The following PALM2AKAP2 variants were observed in gnomAD, a reference collection of about 807,000 sequenced individuals.
PALM2AKAP2 encodes the protein PALM2-AKAP2 fusion protein.
PALM2AKAP2 carries 37 observed loss-of-function variants against 71.5 expected under a neutral mutation model. The ratio of observed to expected loss-of-function variants is 0.52; its 90% confidence interval spans 0.40 to 0.68. PALM2AKAP2 has a LOEUF of 0.68. Among genes scored for constraint, PALM2AKAP2 ranks in the 30% least tolerant of loss-of-function variants. The pLI is 0.00. For synonymous variants in PALM2AKAP2, 468 were observed against 478.8 expected (o/e 0.98, Z 0.29); for missense variants, 1,224 against 1,191.8 (o/e 1.03, Z -0.40).
intron 6 of PALM2AKAP2, among the ~76,000 whole-genome samples, chr9:110,008,344 C>T (rs182728740): frequency 5.3e-5 from 8 of 151,944 alleles, no homozygotes; most frequent in African/African-American, 1.9e-4. Flanking sequence ...CAGAGAGTGG[C>T]CCAAAAGAAG....
chr9:110,091,615 T>A (rs371633266), intron 1 of PALM2AKAP2, among the ~76,000 whole-genome samples: 32 of 151,644 alleles, frequency 2.1e-4, no homozygotes, highest in Non-Finnish European at 8.9e-5. Flanking sequence ...GGCGCCTGCC[T>A]CCACACCCGG....
intron 7 of PALM2AKAP2, among the ~76,000 whole-genome samples, chr9:110,034,894 C>T (rs1833353446): frequency 6.6e-6 from 1 of 151,950 alleles, no homozygotes; most frequent in South Asian, 2.1e-4. Flanking sequence ...TGAGCCACCA[C>T]GCCCGGCTGC....
At chr9:109,807,479 G>A (rs1587925388) in intron 1 of PALM2AKAP2, among the ~76,000 whole-genome samples, 1 of 151,974 alleles carries the variant, frequency 6.6e-6, no homozygotes, top group East Asian at 1.9e-4. Flanking sequence ...TCTGGCAAGG[G>A]CCTGTTTCCT....
intron 1 of PALM2AKAP2, among the ~76,000 whole-genome samples, chr9:109,809,867 C>T (rs1331686988): frequency 6.6e-6 from 1 of 152,112 alleles, no homozygotes; most frequent in East Asian, 1.9e-4. Context: ...GGGGCTTGTC[C>T]TCTTTTTGCT....
exon 4 of PALM2AKAP2, chr9:110,171,136 T>C (rs752585036): frequency 6.6e-6 from 1 of 152,240 alleles, no homozygotes; most frequent in Non-Finnish European, 1.5e-5. Context: ...ATGTGCTTCA[T>C]GAAACCTACA....
chr9:109,794,594 T>C lies in PALM2AKAP2; in HGVS notation c.45+14061T>C, dbSNP rs528045590. Among the ~76,000 whole-genome samples, 11 of 152,244 alleles carry C rather than the reference T, an allele frequency of 7.2e-5. No individual in the cohort carries two copies. The South Asian group carries it at 2.3e-3, about 32-fold the overall frequency. ...CTGTTCAGTTACCTCATGGAACCCT[T>C]GGGACCAGGGCCTTGATTTACAAAT... On this transcript the variant is annotated intron_variant, in intron 1 of 9. Transcript: ENST00000302798.
At chr9:110,039,218 C>T (rs1407626557) in intron 7 of PALM2AKAP2, among the ~76,000 whole-genome samples, 2 of 152,110 alleles carry the variant, frequency 1.3e-5, no homozygotes, top group East Asian at 1.9e-4. Flanking sequence ...TACTGCACTC[C>T]AGCCATAGTG....
At chr9:109,890,075 C>T (rs966108467) in intron 3 of PALM2AKAP2, among the ~76,000 whole-genome samples, 6 of 152,174 alleles carry the variant, frequency 3.9e-5, no homozygotes, top group African/African-American at 1.4e-4. Flanking sequence ...TGGTCATTTC[C>T]AACCGTTCTA....
chr9:109,808,765 GC>G (rs1170390486), intron 1 of PALM2AKAP2, among the ~76,000 whole-genome samples: 1 of 152,240 alleles, frequency 6.6e-6, no homozygotes, highest in African/African-American at 2.4e-5. Flanking sequence ...CCAATCACAG[GC>G]CCAGAGGGCC....
intron 6 of PALM2AKAP2, chr9:109,944,283 G>A (rs997760435): frequency 6.6e-6 from 1 of 152,098 alleles, no homozygotes; most frequent in African/African-American, 2.4e-5. Flanking sequence ...TTTTTATATT[G>A]TTTCTTTTTT....
intron 1 of PALM2AKAP2, among the ~76,000 whole-genome samples, chr9:109,822,550 T>C (rs1285579705): frequency 6.6e-6 from 1 of 152,204 alleles, no homozygotes; most frequent in Non-Finnish European, 1.5e-5. Flanking sequence ...AAGTAAGCCC[T>C]GGTGTCTGTT....
intron 6 of PALM2AKAP2, among the ~76,000 whole-genome samples, chr9:110,005,517 G>T (rs1832761203): frequency 6.6e-6 from 1 of 152,244 alleles, no homozygotes; most frequent in South Asian, 2.1e-4. Flanking sequence ...CAGATCTCCA[G>T]CTGTGTGCTG....
intron 1 of PALM2AKAP2, among the ~76,000 whole-genome samples, chr9:109,677,669 A>G (rs76111009): frequency 5.2e-5 from 6 of 114,584 alleles, no homozygotes; most frequent in Admixed American, 2.5e-4. Flanking sequence ...CTCTGTCTCA[A>G]AAAAAAAAAA....
At chr9:109,875,123 CTTA>C (rs1332005139) in intron 2 of PALM2AKAP2, among the ~76,000 whole-genome samples, 2 of 152,188 alleles carry the variant, frequency 1.3e-5, no homozygotes, top group Non-Finnish European at 2.9e-5. Context: ...CCCAACCTCA[CTTA>C]TTATGGTCCA....
chr9:109,884,570 G>A (rs549366371), intron 3 of PALM2AKAP2, among the ~76,000 whole-genome samples: 2 of 152,256 alleles, frequency 1.3e-5, no homozygotes, highest in East Asian at 1.9e-4. Context: ...TCAAATTTGC[G>A]ATCTGATCTT....
intron 6 of PALM2AKAP2, among the ~76,000 whole-genome samples, chr9:110,012,513 G>A (rs1370449380): frequency 6.6e-6 from 1 of 152,042 alleles, no homozygotes; most frequent in East Asian, 1.9e-4. Context: ...TCCTTGGAAG[G>A]AATTTTACCT....
chr9:109,902,102 G>A (rs143411827), intron 3 of PALM2AKAP2, among the ~76,000 whole-genome samples: 35 of 152,296 alleles, frequency 2.3e-4, no homozygotes, highest in African/African-American at 7.5e-4. Flanking sequence ...AAAAGGGTAC[G>A]TTTTTCAGTA....
intron 1 of PALM2AKAP2, among the ~76,000 whole-genome samples, chr9:109,797,145 T>C (rs1001588320): frequency 8.5e-5 from 13 of 152,182 alleles, no homozygotes; most frequent in Non-Finnish European, 1.5e-5. Context: ...AGCAAATTTT[T>C]CTAGGTTCTT....
intron 1 of PALM2AKAP2, among the ~76,000 whole-genome samples, chr9:109,773,039 A>G (rs150490927): frequency 0.014 from 2,197 of 152,204 alleles, 64 homozygotes; most frequent in African/African-American, 0.05. Flanking sequence ...AATGGCGTGA[A>G]CCTGGAAGGC....
Sources: gnomAD v4.1 joint callset for allele counts (sites outside exome capture counted in the v4.1 genomes callset) on GRCh38, gnomAD v4.1.1 for gene constraint, MANE v1.5 for transcripts, NCBI Gene and HGNC (gene_info 2026-07-23, HGNC 2026-07-21) for gene names.